Variants in NAV1 observed in about 807,000 individuals in gnomAD.
NAV1 encodes the protein pore membrane and/or filament interacting like protein 3.
In NAV1, 18 loss-of-function variants were observed where a neutral mutation model predicts 175.2. The ratio of observed to expected loss-of-function variants is 0.10; its 90% confidence interval spans 0.07 to 0.15. The LOEUF (loss-of-function observed/expected upper bound fraction) is 0.15, where lower values mean the gene tolerates loss of function less well. NAV1 is among the 10% of genes least tolerant of loss of function. The pLI, the probability that NAV1 is intolerant of heterozygous loss-of-function variation, is 1.00. For synonymous variants in NAV1, 897 were observed against 978.7 expected (o/e 0.92, Z 1.56); for missense variants, 1,731 against 2,436.6 (o/e 0.71, Z 6.10).
At chr1:201,646,893 G>A (rs1432482390), upstream of NAV1, among the ~76,000 whole-genome samples, 1 of 152,178 alleles carries the variant, frequency 6.6e-6, no homozygotes, top group Non-Finnish European at 1.5e-5. Context: ...TTCACACCAG[G>A]CAGCAGGTGA....
Position 201,810,865 on chromosome 1 carries a change from C to A in NAV1, c.4797+107C>A. ...CATTGTTCCCTTTTCCTCACCTCTG[C>A]CTTCATCTTTCTTCTCTTCTGTGTT... On this transcript the variant is annotated intron_variant, in intron 24 of 29. Transcript: ENST00000367296. This position sits in a 1 kb window ranked among gnomAD's most constrained non-coding sequence, Gnocchi z 6.0. The A allele has an allele frequency of 1.3e-6, 1 of 770,688 alleles. No homozygotes were observed. The highest frequency in any genetic ancestry group is 2.1e-6 in the Non-Finnish European group (1 of 470,570). 47.7% of individuals were successfully genotyped at this position (770,688 alleles called of 1,614,324 possible).
At chr1:201,657,630 G>A (rs1669456263) in intron 1 of NAV1, among the ~76,000 whole-genome samples, 2 of 152,298 alleles carry the variant, frequency 1.3e-5, no homozygotes, top group East Asian at 1.9e-4. Context: ...GTGGCTCCCT[G>A]CCGGGGACCC....
At chr1:201,614,643 A>G (rs1420467324) in intron 2 of NAV1, among the ~76,000 whole-genome samples, 1 of 152,138 alleles carries the variant, frequency 6.6e-6, no homozygotes, top group Non-Finnish European at 1.5e-5. Context: ...GGTAGCCTCC[A>G]TTTGTCCTGA....
chr1:201,551,698 A>T (rs1489639118), intron 1 of NAV1, among the ~76,000 whole-genome samples: 1 of 152,174 alleles, frequency 6.6e-6, no homozygotes, highest in African/African-American at 2.4e-5. Flanking sequence ...CACCAATTTT[A>T]TCACTTCTGC....
At chr1:201,552,777 G>T (rs149105759) in intron 1 of NAV1, among the ~76,000 whole-genome samples, 46 of 152,288 alleles carry the variant, frequency 3.0e-4, no homozygotes, top group Non-Finnish European at 5.1e-4. Flanking sequence ...GACAGGCAAA[G>T]GGATGGAGCG....
intron 3 of NAV1, among the ~76,000 whole-genome samples, chr1:201,765,398 T>C (rs1424015250): frequency 6.9e-6 from 1 of 145,962 alleles, no homozygotes; most frequent in Non-Finnish European, 1.5e-5. Flanking sequence ...TTTTTTTTTT[T>C]TTTTTCTTTT....
chr1:201,606,352 C>T (rs1558016107), intron 2 of NAV1, among the ~76,000 whole-genome samples: 1 of 152,168 alleles, frequency 6.6e-6, no homozygotes, highest in East Asian at 1.9e-4. Context: ...AAGACCTGTC[C>T]CCAAGCCAGT....
chr1:201,722,516 G>A (rs971088901), intron 3 of NAV1, among the ~76,000 whole-genome samples: 1 of 152,188 alleles, frequency 6.6e-6, no homozygotes, highest in Non-Finnish European at 1.5e-5. Flanking sequence ...CTGTTCATGG[G>A]TTGTTACCAC....
intron 2 of NAV1, among the ~76,000 whole-genome samples, chr1:201,632,178 T>C (rs1456609291): frequency 6.6e-6 from 1 of 152,192 alleles, no homozygotes; most frequent in Non-Finnish European, 1.5e-5. Flanking sequence ...TGTGCCACTT[T>C]CTTAATCTGC....
chr1:201,734,471 G>C (rs1208014781), intron 3 of NAV1, among the ~76,000 whole-genome samples: 1 of 137,288 alleles, frequency 7.3e-6, no homozygotes, highest in Non-Finnish European at 1.5e-5. Flanking sequence ...GGAGGAGGAA[G>C]AGGAGGAGGA....
At chr1:201,826,808 T>TA (rs1464069488) in exon 30 of NAV1, 1 of 152,152 alleles carries the variant, frequency 6.6e-6, no homozygotes, top group East Asian at 1.9e-4. Context: ...ACAAATTATT[T>TA]AAAAATAAAA....
At chr1:201,707,999 C>T (rs1462039462) in intron 1 of NAV1, among the ~76,000 whole-genome samples, 1 of 152,162 alleles carries the variant, frequency 6.6e-6, no homozygotes, top group Non-Finnish European at 1.5e-5. Context: ...ATGGAAAATG[C>T]CTCGTGGTGA....
intron 1 of NAV1, among the ~76,000 whole-genome samples, chr1:201,659,799 G>GA (rs1669537883): frequency 4.6e-5 from 7 of 152,174 alleles, no homozygotes; most frequent in Admixed American, 4.6e-4. Flanking sequence ...AGCCGGCTGC[G>GA]CTGGGGTAGG....
At chr1:201,642,694 TTCTCTC>T (rs113181447) in intron 2 of NAV1, among the ~76,000 whole-genome samples, 1 of 140,896 alleles carries the variant, frequency 7.1e-6, no homozygotes, top group Non-Finnish European at 1.5e-5. Flanking sequence ...CTTCCCTTTC[TTCTCTC>T]TCTTTCTTTC....
chr1:201,741,933 G>T (rs1446200089), intron 3 of NAV1, among the ~76,000 whole-genome samples: 1 of 152,164 alleles, frequency 6.6e-6, no homozygotes, highest in Non-Finnish European at 1.5e-5. Context: ...TGCCAGGGCG[G>T]GTACCTGTCT....
At chr1:201,765,381 C>CTTTTTT (rs59583786) in intron 3 of NAV1, among the ~76,000 whole-genome samples, 17 of 98,598 alleles carry the variant, frequency 1.7e-4, no homozygotes, top group Non-Finnish European at 2.1e-4. Context: ...AGGAAATATT[C>CTTTTTT]TTTTTTTTTT....
chr1:201,556,373 G>A (rs911882072), intron 1 of NAV1, among the ~76,000 whole-genome samples: 10 of 151,328 alleles, frequency 6.6e-5, no homozygotes, highest in East Asian at 1.9e-4. Context: ...AGCTGAGATC[G>A]CACCACTGCA....
chr1:201,732,549 T>C lies in NAV1; in HGVS notation c.1226+13794T>C, dbSNP rs535160441. Among the ~76,000 whole-genome samples, 3 of 152,250 alleles carry C rather than the reference T, an allele frequency of 2.0e-5. No individual in the cohort carries two copies. In the East Asian group the frequency reaches 5.8e-4, roughly 29 times the overall value. Reference sequence around the variant, plus strand: ...GCTCTTGGGAAGTAGAGTAGCAAAGTAGATGGAACATTCTAGAGCCCAACT... The same window carrying C: ...GCTCTTGGGAAGTAGAGTAGCAAAGCAGATGGAACATTCTAGAGCCCAACT... On this transcript the variant is annotated intron_variant, in intron 3 of 29. Coordinates refer to ENST00000367296, the Ensembl canonical transcript of NAV1.
chr1:201,712,087 G>A lies in NAV1; in HGVS notation c.758-730G>A, dbSNP rs560867557. Among the ~76,000 whole-genome samples, 10 of 152,252 alleles carry A rather than the reference G, an allele frequency of 6.6e-5. No homozygotes were observed. In the South Asian group the frequency reaches 1.7e-3, roughly 25 times the overall value. On this transcript the variant is annotated intron_variant, in intron 1 of 29. Coordinates refer to ENST00000367296, the Ensembl canonical transcript of NAV1. ...GCACCACTTGTGTGGGGACTGCCCA[G>A]AGCTCACTTCAAGCTCCAGAAAATG...
Sources: allele counts gnomAD v4.1 joint callset (sites outside exome capture counted in the v4.1 genomes callset), GRCh38; gene constraint gnomAD v4.1.1; non-coding constraint Gnocchi (gnomAD v3.1); transcripts MANE v1.5; gene names NCBI Gene and HGNC (gene_info 2026-07-23, HGNC 2026-07-21).